The following FBXO46 variants were observed in gnomAD, a reference collection of about 807,000 sequenced individuals.
The protein encoded by FBXO46 is F-box only protein 46.
Under a neutral mutation model 30.7 loss-of-function variants are expected in FBXO46, and 13 were observed. The observed-to-expected ratio is 0.42, with a 90% CI of 0.28 to 0.67. The LOEUF (loss-of-function observed/expected upper bound fraction) is 0.67, where lower values mean the gene tolerates loss of function less well. FBXO46 is among the 30% of genes least tolerant of loss of function. The pLI is 0.21. For synonymous variants in FBXO46, 467 were observed against 385.8 expected (o/e 1.21, Z -2.47); for missense variants, 754 against 871.5 (o/e 0.87, Z 1.70).
At chr19:45,716,358 C>G (rs1968090657) in intron 1 of FBXO46, 1 of 152,096 alleles carries the variant, frequency 6.6e-6, no homozygotes, top group African/African-American at 2.4e-5. Flanking sequence ...TGGCCACCCC[C>G]TCAAGTCCCC....
chr19:45,712,409 C>G lies in FBXO46; in HGVS notation c.1087G>C (p.Gly363Arg). The change falls in exon 2 of 2, where the codon GGC (glycine) becomes CGC (arginine). Residue 363 changes from glycine (G) to arginine (R), a missense_variant. Transcript: ENST00000317683. This position sits in a 1 kb window ranked among gnomAD's most constrained non-coding sequence, Gnocchi z 8.8. ...PPPARDCGASGFHVDVVVTGV... is the reference protein window; with the variant it reads ...PPPARDCGASRFHVDVVVTGV... ...GTCACCACCACGTCCACGTGGAAGC[C>G]TGACGCTCCGCAGTCCCGGGCAGGG... 2 of 1,608,774 alleles carry G rather than the reference C, an allele frequency of 1.2e-6. No individual in the cohort carries two copies. Among genetic ancestry groups the G allele is most frequent in the Non-Finnish European group, 1.7e-6 (2 of 1,179,712 alleles).
chr19:45,731,011 G>A (rs1041975562), upstream of FBXO46: 2 of 152,258 alleles, frequency 1.3e-5, no homozygotes, highest in African/African-American at 4.8e-5. Flanking sequence ...TTGGAGGTGG[G>A]GTAGGAAGCA....
chr19:45,718,422 C>T (rs796546011), intron 1 of FBXO46, among the ~76,000 whole-genome samples: 35 of 152,230 alleles, frequency 2.3e-4, no homozygotes, highest in African/African-American at 7.7e-4. Context: ...CTCTAAGAAG[C>T]TGACACCCCC....
rs770164618 is a variant in FBXO46, at chr19:45,712,918, G to C, written c.578C>G (p.Pro193Arg). Residue 193 changes from proline (P) to arginine (R), a missense_variant, in exon 2 of 2, where the codon CCG becomes CGG. Transcript: ENST00000317683. This position sits in a 1 kb window ranked among gnomAD's most constrained non-coding sequence, Gnocchi z 8.8. ...AALALQSYPR[P>R]TTPAPVVFVS... ...AAAGACTACAGGCGCTGGGGTGGTC[G>C]GTCGTGGGTAGCTCTGCAGGGCCAG... The C allele has an allele frequency of 4.4e-6, 7 of 1,608,190 alleles. No individual in the cohort carries two copies. In the Middle Eastern group the frequency reaches 5.0e-4, roughly 115 times the overall value.
intron 1 of FBXO46, among the ~76,000 whole-genome samples, chr19:45,728,978 G>A (rs762014298): frequency 5.9e-5 from 9 of 151,912 alleles, no homozygotes; most frequent in Non-Finnish European, 1.0e-4. Context: ...AGACGTGGTG[G>A]CGCATGCCTG....
At chr19:45,718,257 G>T (rs929907309) in intron 1 of FBXO46, among the ~76,000 whole-genome samples, 4 of 152,232 alleles carry the variant, frequency 2.6e-5, no homozygotes, top group African/African-American at 9.6e-5. Flanking sequence ...TATGGATGAA[G>T]AAACTGACGC....
Position 45,712,983 on chromosome 19 carries a change from A to G in FBXO46, c.513T>C (p.Ser171=). 6.3e-7 allele frequency: 1 copy of G among 1,576,492 alleles called. No individual in the cohort carries two copies. Among genetic ancestry groups the G allele is most frequent in the Non-Finnish European group, 8.6e-7 (1 of 1,160,564 alleles). Residue 171 remains serine, a synonymous_variant, in exon 2 of 2, where the codon TCT becomes TCC. Coordinates refer to ENST00000317683, the MANE Select transcript of FBXO46 (RefSeq NM_001080469.2). This position sits in a 1 kb window ranked among gnomAD's most constrained non-coding sequence, Gnocchi z 8.8. ...ASAGEDVDLL[S]VAEMVALVEQ... is the part of the protein sequence containing the mutation. ...CCACCAGGGCCACCATCTCGGCCAC[A>G]GAGAGCAGGTCCACGTCCTCACCGG...
Position 45,712,698 on chromosome 19 carries a change from G to T in FBXO46, c.798C>A (p.Ser266=). 6.2e-7 allele frequency: 1 copy of T among 1,612,780 alleles called. No homozygotes were observed. The highest frequency in any genetic ancestry group is 8.5e-7 in the Non-Finnish European group (1 of 1,179,472). Residue 266 remains serine, a synonymous_variant, in exon 2 of 2, where the codon TCC becomes TCA. Transcript: ENST00000317683. The surrounding 1 kb of genome is among the most constrained non-coding windows in gnomAD (Gnocchi z 8.8). ...CTGGTGCACGGGGCTCCCGGCCGTT[G>T]GAGATGCGGAAGGCGATGCGCACCT... is the stretch of plus-strand genomic sequence containing the variant. The part of the protein sequence containing the change: ...PGEVRIAFRI[S]NGREPRAPDS...
chr19:45,721,622 G>A (rs1246153719), intron 1 of FBXO46, among the ~76,000 whole-genome samples: 2 of 145,966 alleles, frequency 1.4e-5, no homozygotes, highest in Non-Finnish European at 3.0e-5. Context: ...GCACGATCTC[G>A]GCTCACTCGA....
chr19:45,717,902 G>A (rs1960147202), intron 1 of FBXO46, among the ~76,000 whole-genome samples: 1 of 152,138 alleles, frequency 6.6e-6, no homozygotes, highest in Non-Finnish European at 1.5e-5. Context: ...AAGCCTCTAG[G>A]CCTGGCGTTC....
chr19:45,731,810 C>T (rs997011075), upstream of FBXO46, among the ~76,000 whole-genome samples: 2 of 151,668 alleles, frequency 1.3e-5, no homozygotes, highest in Non-Finnish European at 2.9e-5. Flanking sequence ...CAGAATGAGA[C>T]CCTGCTGCCT....
Position 45,713,199 on chromosome 19 carries a change from C to A in FBXO46, c.297G>T (p.Glu99Asp). 6.2e-7 allele frequency: 1 copy of A among 1,613,946 alleles called. No individual in the cohort carries two copies. Among genetic ancestry groups the A allele is most frequent in the Non-Finnish European group, 8.5e-7 (1 of 1,179,868 alleles). Residue 99 changes from glutamate to aspartate, a missense_variant, in exon 2 of 2, where the codon GAG becomes GAT. This residue lies in a region of FBXO46 where 39 missense variants were observed against 56.5 expected (regional missense o/e 0.69). Coordinates refer to ENST00000317683, the MANE Select transcript of FBXO46 (RefSeq NM_001080469.2). The surrounding 1 kb of genome is among the most constrained non-coding windows in gnomAD (Gnocchi z 4.7). ...WYVIKPGNTK[E>D]KVAFFVAHQC... ...GGTGGGCCACAAAGAAGGCCACCTTCTCCTTTGTATTCCCGGGCTTGATGA... is the reference window on the plus strand; with the variant it reads ...GGTGGGCCACAAAGAAGGCCACCTTATCCTTTGTATTCCCGGGCTTGATGA...
At chr19:45,728,709 A>C (rs1968270963) in intron 1 of FBXO46, among the ~76,000 whole-genome samples, 1 of 152,144 alleles carries the variant, frequency 6.6e-6, no homozygotes, top group South Asian at 2.1e-4. Flanking sequence ...TGTGTAATAA[A>C]AAATTAGTCC....
rs578250287 is a variant in FBXO46 at position 45,712,334 on chromosome 19, C to T, written c.1162G>A (p.Val388Met). The T allele has an allele frequency of 2.1e-5, 33 of 1,601,656 alleles. No homozygotes were observed. Among genetic ancestry groups the T allele is most frequent in the Middle Eastern group, 3.3e-4 (2 of 6,062 alleles). ...IFFGKDGTKN[V>M]KEETVCLTVS... ...GTCAGGCACACAGTCTCCTCCTTCA[C>T]GTTCTTGGTGCCGTCCTTGCCAAAG... is the stretch of plus-strand genomic sequence containing the variant. Residue 388 changes from valine (V) to methionine (M), a missense_variant, in exon 2 of 2, where the codon GTG becomes ATG. Val to Met is a conservative substitution (Grantham distance 21). Coordinates refer to ENST00000317683, the MANE Select transcript of FBXO46 (RefSeq NM_001080469.2). The surrounding 1 kb of genome is among the most constrained non-coding windows in gnomAD (Gnocchi z 8.8).
rs761532879 is a variant in FBXO46 at position 45,712,724 on chromosome 19, C to T, written c.772G>A (p.Glu258Lys). 2 of 1,612,136 alleles carry T rather than the reference C, an allele frequency of 1.2e-6. No homozygotes were observed. Among genetic ancestry groups the T allele is most frequent in the Non-Finnish European group, 1.7e-6 (2 of 1,179,252 alleles). ...KEERPGPGPGEVRIAFRISNG... is the reference protein window; with the variant it reads ...KEERPGPGPGKVRIAFRISNG... ...GAGATGCGGAAGGCGATGCGCACCT[C>T]CCCAGGGCCTGGCCCGGGCCGCTCT... The change falls in exon 2 of 2, where the codon GAG becomes AAG. Residue 258 changes from glutamate to lysine, a missense_variant. Transcript: ENST00000317683. This position sits in a 1 kb window ranked among gnomAD's most constrained non-coding sequence, Gnocchi z 8.8.
rs1600356298 is a variant in FBXO46 at position 45,713,598 on chromosome 19, G to C, written c.-78-25C>G. 8 of 931,240 alleles carry C rather than the reference G, an allele frequency of 8.6e-6. No individual in the cohort carries two copies. In the East Asian group the frequency reaches 2.1e-4, roughly 25 times the overall value. 57.7% of individuals were successfully genotyped at this position (931,240 alleles called of 1,614,324 possible). ...CCTGGAGACACGAAGAGGAGGTTGG[G>C]GAGCTAGGGGGACAGCCTTTCTTCC... On this transcript the variant is annotated intron_variant, in intron 1 of 1. Transcript: ENST00000317683. The surrounding 1 kb of genome is among the most constrained non-coding windows in gnomAD (Gnocchi z 4.7).
chr19:45,717,659 G>A (rs935413535), intron 1 of FBXO46, among the ~76,000 whole-genome samples: 3 of 152,118 alleles, frequency 2.0e-5, no homozygotes, highest in African/African-American at 7.2e-5. Context: ...ACGTCCCCTC[G>A]AACAGAAGCC....
At position 45,712,569 on chromosome 19, in the gene FBXO46, G is replaced by A. The variant is rs1462365216; in HGVS notation, c.927C>T (p.Tyr309=). ...RAKDKITCDL[Y]QLISPSRDAL... ...CATCCCGCGAGGGGCTGATGAGCTG[G>A]TATAAGTCACATGTGATCTTGTCCT... Residue 309 remains tyrosine, a synonymous_variant, in exon 2 of 2, where the codon TAC becomes TAT. Transcript: ENST00000317683. The surrounding 1 kb of genome is among the most constrained non-coding windows in gnomAD (Gnocchi z 8.8). The A allele has an allele frequency of 1.3e-6, 2 of 1,594,140 alleles. No homozygotes were observed. The highest frequency in any genetic ancestry group is 1.7e-5 in the Admixed American group (1 of 57,806).
chr19:45,722,320 A>T (rs1968183882), intron 1 of FBXO46, among the ~76,000 whole-genome samples: 1 of 152,112 alleles, frequency 6.6e-6, no homozygotes, highest in African/African-American at 2.4e-5. Context: ...GGCCTGCTGG[A>T]TCCCAGCTTT....
Sources: gnomAD v4.1 joint callset for allele counts (sites outside exome capture counted in the v4.1 genomes callset) on GRCh38, gnomAD v4.1.1 for gene constraint, gnomAD v4.1.1 regional missense constraint, Gnocchi (gnomAD v3.1) non-coding constraint, MANE v1.5 for transcripts, NCBI Gene and HGNC (gene_info 2026-07-23, HGNC 2026-07-21) for gene names.